ZFHX3: variants seen among roughly 807,000 people sequenced by gnomAD.
The protein encoded by ZFHX3 is zinc finger homeobox protein 3.
ZFHX3 carries 42 observed loss-of-function variants against 279.1 expected under a neutral mutation model. The observed-to-expected ratio is 0.15, with a 90% CI of 0.12 to 0.19. The LOEUF (loss-of-function observed/expected upper bound fraction) is 0.19, where lower values mean the gene tolerates loss of function less well. Among genes scored for constraint, ZFHX3 ranks in the 10% least tolerant of loss-of-function variants. The probability of loss-of-function intolerance (pLI) is 1.00; values close to 1 mark genes in which losing one functional copy is unlikely to be tolerated. For missense variants in ZFHX3, 4,981 were observed against 4,754.0 expected (o/e 1.05, Z -1.40); for synonymous variants, 2,293 against 1,957.8 (o/e 1.17, Z -4.52).
intron 5 of ZFHX3, among the ~76,000 whole-genome samples, chr16:73,180,587 GT>G (rs1304484034): frequency 6.6e-6 from 1 of 152,064 alleles, no homozygotes; most frequent in East Asian, 1.9e-4. Flanking sequence ...GCTCATGTTG[GT>G]GTTCCCAGGG....
At chr16:73,719,886 G>A (rs1038911148) in intron 1 of ZFHX3, among the ~76,000 whole-genome samples, 10 of 151,134 alleles carry the variant, frequency 6.6e-5, no homozygotes, top group African/African-American at 1.9e-4. Flanking sequence ...GCCTGCCTCC[G>A]CCTCCTAAAG....
chr16:72,878,542 G>C (rs2038378281), intron 4 of ZFHX3, among the ~76,000 whole-genome samples: 1 of 152,244 alleles, frequency 6.6e-6, no homozygotes, highest in South Asian at 2.1e-4. Context: ...GCAACCCGAG[G>C]CACGCGCTCT....
At chr16:73,290,015 C>CCA (rs10564390) in intron 4 of ZFHX3, among the ~76,000 whole-genome samples, 9,360 of 144,298 alleles carry the variant, frequency 0.065, 333 homozygotes, top group Middle Eastern at 0.15. Context: ...AGAGAAATAA[C>CCA]CACACACACA....
At chr16:73,651,722 G>A (rs554105041) in intron 2 of ZFHX3, among the ~76,000 whole-genome samples, 17 of 147,272 alleles carry the variant, frequency 1.2e-4, no homozygotes, top group Non-Finnish European at 2.4e-4. Context: ...GGGCGTGGTG[G>A]CAGGCTCCTG....
rs1041287582 is a variant in ZFHX3 at position 73,545,059 on chromosome 16, G to T, written c.-1546-88801C>A. 3.3e-5 allele frequency among the ~76,000 whole-genome samples: 5 copies of T among 152,122 alleles called. No homozygotes were observed. The East Asian group carries it at 7.8e-4, about 24-fold the overall frequency. ...GAGGCCCCTCATACAACAATAGCAGGTCCCTTCAGAGCACGAAACACAAAG... is the reference window on the plus strand; with the variant it reads ...GAGGCCCCTCATACAACAATAGCAGTTCCCTTCAGAGCACGAAACACAAAG... On this transcript the variant is annotated intron_variant, in intron 2 of 17. Coordinates refer to the ZFHX3 transcript ENST00000641206.
At chr16:73,578,676 T>C (rs1415839717) in intron 2 of ZFHX3, among the ~76,000 whole-genome samples, 1 of 152,148 alleles carries the variant, frequency 6.6e-6, no homozygotes, top group Non-Finnish European at 1.5e-5. Flanking sequence ...AATCCAGGCC[T>C]CCAGATTCCC....
intron 5 of ZFHX3, among the ~76,000 whole-genome samples, chr16:73,213,229 T>A (rs1186477235): frequency 6.6e-6 from 1 of 152,196 alleles, no homozygotes; most frequent in Non-Finnish European, 1.5e-5. Context: ...TACTCCAGTG[T>A]GCCAAACAAA....
chr16:73,640,977 G>C (rs564233357), intron 2 of ZFHX3, among the ~76,000 whole-genome samples: 3 of 152,148 alleles, frequency 2.0e-5, no homozygotes, highest in Admixed American at 2.0e-4. Context: ...CAAAGCAGCC[G>C]GAACTAGAAT....
intron 1 of ZFHX3, among the ~76,000 whole-genome samples, chr16:73,690,168 C>T (rs1164941528): frequency 2.6e-5 from 4 of 152,126 alleles, no homozygotes; most frequent in Non-Finnish European, 5.9e-5. Flanking sequence ...CCTCCCACCT[C>T]GGCCTCCCAA....
intron 2 of ZFHX3, among the ~76,000 whole-genome samples, chr16:73,604,509 G>C (rs576315135): frequency 2.2e-4 from 33 of 152,228 alleles, no homozygotes; most frequent in Admixed American, 2.2e-3. Context: ...ACTTTGGGAG[G>C]TTGAGGTGGG....
intron 1 of ZFHX3, among the ~76,000 whole-genome samples, chr16:73,700,929 A>G (rs1320571882): frequency 1.3e-5 from 2 of 152,248 alleles, no homozygotes; most frequent in Admixed American, 6.5e-5. Context: ...TTAGTTTTCT[A>G]AAATTGCTGA....
intron 1 of ZFHX3, among the ~76,000 whole-genome samples, chr16:73,007,769 C>T (rs1236761807): frequency 6.6e-6 from 1 of 152,008 alleles, no homozygotes. Context: ...TTTTAATGCT[C>T]AGCTTCTTCC....
At chr16:73,426,075 C>T (rs1351529908) in intron 3 of ZFHX3, among the ~76,000 whole-genome samples, 1 of 152,210 alleles carries the variant, frequency 6.6e-6, no homozygotes, top group Non-Finnish European at 1.5e-5. Flanking sequence ...GGCCACACCT[C>T]AGTGGGTACT....
intron 1 of ZFHX3, among the ~76,000 whole-genome samples, chr16:73,009,059 C>T (rs1215694321): frequency 6.6e-6 from 1 of 152,094 alleles, no homozygotes; most frequent in Non-Finnish European, 1.5e-5. Context: ...TCTCCTTACG[C>T]AGCCTTTCCC....
At chr16:73,251,559 C>A (rs1262585935) in intron 5 of ZFHX3, among the ~76,000 whole-genome samples, 3 of 152,216 alleles carry the variant, frequency 2.0e-5, no homozygotes, top group Middle Eastern at 6.8e-3. Flanking sequence ...ACACCGTGAC[C>A]CCAGATGAGT....
At chr16:73,276,520 A>G (rs2014307039) in intron 4 of ZFHX3, among the ~76,000 whole-genome samples, 1 of 152,122 alleles carries the variant, frequency 6.6e-6, no homozygotes, top group Non-Finnish European at 1.5e-5. Context: ...TGTTACTTAC[A>G]TGGTACAGGT....
chr16:72,953,063 T>C (rs1283795277), intron 2 of ZFHX3, among the ~76,000 whole-genome samples: 1 of 152,182 alleles, frequency 6.6e-6, no homozygotes, highest in Admixed American at 6.5e-5. Flanking sequence ...ATTTTCTTAT[T>C]GACGCTACAC....
At chr16:73,741,670 C>T (rs960011949) in intron 1 of ZFHX3, among the ~76,000 whole-genome samples, 2 of 152,196 alleles carry the variant, frequency 1.3e-5, no homozygotes, top group Admixed American at 1.3e-4. Context: ...AAAATGCCAT[C>T]ATTTCCAGAC....
chr16:73,417,423 G>A (rs1486595071), intron 3 of ZFHX3, among the ~76,000 whole-genome samples: 1 of 137,154 alleles, frequency 7.3e-6, no homozygotes, highest in Non-Finnish European at 1.5e-5. Flanking sequence ...TTGGAGACAG[G>A]GTCTTGCTAT....
Sources: gnomAD v4.1 joint callset for allele counts (sites outside exome capture counted in the v4.1 genomes callset) on GRCh38, gnomAD v4.1.1 for gene constraint, MANE v1.5 for transcripts, NCBI Gene and HGNC (gene_info 2026-07-23, HGNC 2026-07-21) for gene names.